Variants in ASPH observed in about 807,000 individuals in gnomAD.
ASPH encodes the protein aspartyl/asparaginyl beta-hydroxylase.
In ASPH, 100 loss-of-function variants were observed where a neutral mutation model predicts 118.4. The ratio of observed to expected loss-of-function variants is 0.84; its 90% CI spans 0.72 to 1.00. The LOEUF (loss-of-function observed/expected upper bound fraction) is 1.00. Ranked by LOEUF, ASPH falls within the 50% of genes least tolerant of loss-of-function variation. The pLI, the probability that ASPH is intolerant of heterozygous loss-of-function variation, is 0.00. For missense variants in ASPH, 920 were observed against 919.5 expected (o/e 1.00, Z -0.01); for synonymous variants, 315 against 325.6 (o/e 0.97, Z 0.35).
chr8:61,661,360 A>G (rs1442505542), intron 3 of ASPH: 1 of 152,222 alleles, frequency 6.6e-6, no homozygotes, highest in Non-Finnish European at 1.5e-5. Flanking sequence ...TGAATGCCCA[A>G]CCATGTGCTG....
intron 1 of ASPH, among the ~76,000 whole-genome samples, chr8:61,702,280 C>G (rs984811973): frequency 8.1e-5 from 10 of 123,378 alleles, no homozygotes; most frequent in African/African-American, 3.1e-4. Context: ...ATAGCTACTT[C>G]TTTTTTTTTT....
At chr8:61,710,430 C>T (rs1353292196) in intron 1 of ASPH, among the ~76,000 whole-genome samples, 1 of 152,136 alleles carries the variant, frequency 6.6e-6, no homozygotes, top group Non-Finnish European at 1.5e-5. Flanking sequence ...ATGAAAATGT[C>T]ATACATTCAT....
intron 16 of ASPH, among the ~76,000 whole-genome samples, chr8:61,572,679 C>T (rs1292999565): frequency 6.6e-6 from 1 of 152,130 alleles, no homozygotes; most frequent in African/African-American, 2.4e-5. Flanking sequence ...GCAGTCCAAG[C>T]CACCAGCATC....
At chr8:61,510,900 A>G (rs1808589359) in intron 24 of ASPH, among the ~76,000 whole-genome samples, 1 of 152,168 alleles carries the variant, frequency 6.6e-6, no homozygotes, top group Non-Finnish European at 1.5e-5. Context: ...TATCTTGTGG[A>G]ACAGAAGGTT....
chr8:61,558,045 C>T (rs1187333557), intron 18 of ASPH, among the ~76,000 whole-genome samples: 1 of 152,178 alleles, frequency 6.6e-6, no homozygotes, highest in Non-Finnish European at 1.5e-5. Context: ...CTTCCAGGCC[C>T]TGGGCATAGA....
intron 24 of ASPH, among the ~76,000 whole-genome samples, chr8:61,506,323 G>T (rs956609728): frequency 1.3e-4 from 20 of 152,152 alleles, no homozygotes; most frequent in African/African-American, 4.8e-4. Flanking sequence ...AGTGGCCGGT[G>T]GGAGGACGGG....
At chr8:61,511,448 T>A (rs1808785487) in intron 24 of ASPH, among the ~76,000 whole-genome samples, 1 of 152,188 alleles carries the variant, frequency 6.6e-6, no homozygotes, top group Admixed American at 6.5e-5. Context: ...CATTGTGGAA[T>A]GCCCTTGGAG....
chr8:61,640,017 C>A (rs896050690), intron 10 of ASPH, among the ~76,000 whole-genome samples: 1 of 152,220 alleles, frequency 6.6e-6, no homozygotes, highest in East Asian at 1.9e-4. Context: ...ATTGCCACCA[C>A]CCTTGGTTTA....
intron 5 of ASPH, 118 bp downstream of exon 5, chr8:61,650,932 T>C: frequency 9.4e-7 from 1 of 1,068,832 alleles, no homozygotes; most frequent in Non-Finnish European, 1.3e-6. Flanking sequence ...TTCAAAAACT[T>C]TTTAAAAAAC....
At chr8:61,706,404 C>CAAAAAAAAAA (rs55731088) in intron 1 of ASPH, among the ~76,000 whole-genome samples, 7 of 70,556 alleles carry the variant, frequency 9.9e-5, no homozygotes, top group East Asian at 4.7e-4. Flanking sequence ...GGTCATGACT[C>CAAAAAAAAAA]AAAAAAAAAA....
intron 19 of ASPH, among the ~76,000 whole-genome samples, chr8:61,555,710 C>T (rs1827610952): frequency 6.6e-6 from 1 of 152,222 alleles, no homozygotes; most frequent in Admixed American, 6.5e-5. Flanking sequence ...TTTTCCAAAT[C>T]ATCTCTGCTC....
At chr8:61,516,802 G>T (rs1315688699) in intron 24 of ASPH, among the ~76,000 whole-genome samples, 2 of 152,156 alleles carry the variant, frequency 1.3e-5, no homozygotes, top group Non-Finnish European at 2.9e-5. Context: ...AGCAAGTATG[G>T]TTTGTTCAAA....
At chr8:61,618,936 T>C (rs747811983) in intron 14 of ASPH, 42 bp downstream of exon 14, 1 of 1,494,102 alleles carries the variant, frequency 6.7e-7, no homozygotes, top group Admixed American at 1.7e-5. Context: ...GTTATTCTTT[T>C]CCCCATGTAT....
At chr8:61,537,047 G>A (rs1819900869) in intron 21 of ASPH, among the ~76,000 whole-genome samples, 1 of 152,172 alleles carries the variant, frequency 6.6e-6, no homozygotes, top group African/African-American at 2.4e-5. Flanking sequence ...AAGGAGAAAA[G>A]ATAATCCAGG....
At chr8:61,521,908 A>G (rs1010277065) in intron 22 of ASPH, among the ~76,000 whole-genome samples, 1 of 152,176 alleles carries the variant, frequency 6.6e-6, no homozygotes, top group African/African-American at 2.4e-5. Flanking sequence ...TCCATCTTGC[A>G]TGACAATTCT....
At chr8:61,601,068 C>T (rs1031745252) in intron 14 of ASPH, among the ~76,000 whole-genome samples, 1 of 151,198 alleles carries the variant, frequency 6.6e-6, no homozygotes, top group Non-Finnish European at 1.5e-5. Flanking sequence ...GTTCATTCCC[C>T]TAGTTACAGA....
chr8:61,643,466 G>A, intron 8 of ASPH, 33 bp from the exon 9 acceptor site: 1 of 1,590,460 alleles, frequency 6.3e-7, no homozygotes, highest in Non-Finnish European at 8.5e-7. Flanking sequence ...TGCCAAACAG[G>A]AAAAAACCAA....
At chr8:61,679,965 A>G (rs1198932264) in intron 3 of ASPH, among the ~76,000 whole-genome samples, 1 of 150,632 alleles carries the variant, frequency 6.6e-6, no homozygotes, top group African/African-American at 2.4e-5. Context: ...AAAACAAAAA[A>G]CACCAACACA....
intron 18 of ASPH, among the ~76,000 whole-genome samples, chr8:61,558,013 A>G (rs1402261493): frequency 6.6e-6 from 1 of 152,232 alleles, no homozygotes; most frequent in East Asian, 1.9e-4. Context: ...GATTTACTAG[A>G]CATCTTAGAA....
Sources: gnomAD v4.1 joint callset for allele counts (sites outside exome capture counted in the v4.1 genomes callset) on GRCh38, gnomAD v4.1.1 for gene constraint, MANE v1.5 for transcripts, NCBI Gene and HGNC (gene_info 2026-07-23, HGNC 2026-07-21) for gene names.